The following GALNT13 variants were observed in gnomAD, a reference collection of about 807,000 sequenced individuals.
GALNT13 encodes the protein polypeptide N-acetylgalactosaminyltransferase 13.
A neutral mutation model predicts 64.2 loss-of-function variants in GALNT13; 28 were observed. That is an observed-to-expected ratio of 0.44 (90% CI 0.32 to 0.60). The LOEUF (loss-of-function observed/expected upper bound fraction) is 0.60. GALNT13 is among the 20% of genes least tolerant of loss of function. The probability of loss-of-function intolerance (pLI) is 0.05; values close to 1 mark genes in which losing one functional copy is unlikely to be tolerated. For missense variants in GALNT13, 577 were observed against 669.8 expected, an observed-to-expected ratio of 0.86 and a Z score of 1.53; for synonymous variants, 214 against 224.6, an observed-to-expected ratio of 0.95 and a Z score of 0.42.
the GALNT13 span, among the ~76,000 whole-genome samples, chr2:153,219,816 A>C: frequency 3.3e-5 from 5 of 152,342 alleles, no homozygotes; most frequent in African/African-American, 1.2e-4. Context: ...TTTCTGCTTC[A>C]GAGTGCTCAA....
chr2:153,280,447 G>C, the GALNT13 span, among the ~76,000 whole-genome samples: 1 of 152,000 alleles, frequency 6.6e-6, no homozygotes, highest in Admixed American at 6.5e-5. Context: ...GTTACTCTAA[G>C]GGTACCATTA....
At chr2:154,345,275 C>T (rs532171135) in intron 9 of GALNT13, among the ~76,000 whole-genome samples, 1 of 151,936 alleles carries the variant, frequency 6.6e-6, no homozygotes, top group South Asian at 2.1e-4. Flanking sequence ...AACAAAAGAC[C>T]GATGGTCCCT....
chr2:154,034,021 G>A lies in GALNT13; in HGVS notation c.142+89382G>A, dbSNP rs975718965. Among the ~76,000 whole-genome samples, 11 of 152,216 alleles carry A rather than the reference G, an allele frequency of 7.2e-5. 1 individual carries two copies. In the East Asian group the frequency reaches 1.2e-3, roughly 16 times the overall value. On this transcript the variant is annotated intron_variant, in intron 3 of 12. Transcript: ENST00000392825. ...GTGACTGGAGCCCTCAGACATTGCT[G>A]GAGAGAATGCAAATGGCTGTCATGA...
the GALNT13 span, among the ~76,000 whole-genome samples, chr2:153,237,941 T>C: frequency 6.6e-6 from 1 of 152,132 alleles, no homozygotes; most frequent in African/African-American, 2.4e-5. Flanking sequence ...CTAATTTACA[T>C]GCCCACCACC....
the GALNT13 span, among the ~76,000 whole-genome samples, chr2:153,462,120 A>G: frequency 1.3e-5 from 2 of 151,670 alleles, no homozygotes; most frequent in South Asian, 4.2e-4. Context: ...TTTTTTTCCT[A>G]GAAGCTTGTA....
At chr2:154,220,825 G>T (rs1688287078) in intron 4 of GALNT13, among the ~76,000 whole-genome samples, 1 of 151,992 alleles carries the variant, frequency 6.6e-6, no homozygotes, top group African/African-American at 2.4e-5. Flanking sequence ...ATTAATGAAA[G>T]ATTGCAGAAG....
the GALNT13 span, among the ~76,000 whole-genome samples, chr2:153,574,020 A>G: frequency 2.6e-5 from 4 of 151,950 alleles, no homozygotes; most frequent in Admixed American, 2.0e-4. Context: ...TTCTTGCAGG[A>G]TAGGCCTGGT....
chr2:154,130,452 A>G (rs1230489359), intron 3 of GALNT13, among the ~76,000 whole-genome samples: 1 of 152,178 alleles, frequency 6.6e-6, no homozygotes, highest in African/African-American at 2.4e-5. Flanking sequence ...TATAAATTAA[A>G]ATACTTTAGA....
the GALNT13 span, among the ~76,000 whole-genome samples, chr2:153,723,260 A>G: frequency 1.3e-5 from 2 of 148,990 alleles, no homozygotes; most frequent in African/African-American, 5.1e-5. Flanking sequence ...ACAACCCTTC[A>G]TGCTAAAAAC....
chr2:153,573,481 T>C, the GALNT13 span, among the ~76,000 whole-genome samples: 1 of 152,028 alleles, frequency 6.6e-6, no homozygotes, highest in East Asian at 1.9e-4. Flanking sequence ...CTTTCTGCTG[T>C]TTTGTTACTC....
the GALNT13 span, among the ~76,000 whole-genome samples, chr2:153,289,802 A>G: frequency 1.3e-5 from 2 of 152,188 alleles, no homozygotes; most frequent in African/African-American, 4.8e-5. Flanking sequence ...CCAACTTAGC[A>G]CCATGACATG....
the GALNT13 span, among the ~76,000 whole-genome samples, chr2:153,509,825 T>C: frequency 6.6e-6 from 1 of 152,196 alleles, no homozygotes; most frequent in South Asian, 2.1e-4. Flanking sequence ...CCTCAGGGGA[T>C]TATAAAGTTT....
At chr2:153,730,803 T>A in the GALNT13 span, among the ~76,000 whole-genome samples, 6 of 151,940 alleles carry the variant, frequency 3.9e-5, no homozygotes, top group Admixed American at 3.9e-4. Flanking sequence ...TCACCATCAC[T>A]AATCATCGAA....
At chr2:153,203,028 G>A in the GALNT13 span, among the ~76,000 whole-genome samples, 1 of 152,106 alleles carries the variant, frequency 6.6e-6, no homozygotes, top group Non-Finnish European at 1.5e-5. Context: ...GGCTCAATGT[G>A]CCTTTCGGTG....
the GALNT13 span, among the ~76,000 whole-genome samples, chr2:153,854,274 A>G: frequency 2.6e-5 from 4 of 151,740 alleles, no homozygotes; most frequent in South Asian, 2.1e-4. Flanking sequence ...TATAAAAAAT[A>G]TAATTTATAT....
chr2:153,862,828 T>C, the GALNT13 span, among the ~76,000 whole-genome samples: 1 of 152,070 alleles, frequency 6.6e-6, no homozygotes, highest in African/African-American at 2.4e-5. Flanking sequence ...TTCTAATATG[T>C]TATATGCTTA....
rs187009793 is a variant in GALNT13 at position 154,404,460 on chromosome 2, T to C, written c.1297-4524T>C. ...TCTCAAATATGAGCTGACATTGTCA[T>C]GACCCAGATGATACTACAATTTTTG... On this transcript the variant is annotated intron_variant, in intron 10 of 12. Coordinates refer to ENST00000392825, the MANE Select transcript of GALNT13 (RefSeq NM_052917.4). 2.2e-3 allele frequency among the ~76,000 whole-genome samples: 339 copies of C among 152,304 alleles called. 2 individuals carry two copies. Among genetic ancestry groups the C allele is most frequent in the African/African-American group, 7.7e-3 (321 of 41,580 alleles).
chr2:153,401,484 T>C, the GALNT13 span, among the ~76,000 whole-genome samples: 1 of 149,066 alleles, frequency 6.7e-6, no homozygotes, highest in African/African-American at 2.5e-5. Context: ...GTATCCTTGT[T>C]GACTTTCTGT....
the GALNT13 span, among the ~76,000 whole-genome samples, chr2:153,321,641 TAAGA>T: frequency 1.1e-4 from 17 of 152,234 alleles, no homozygotes; most frequent in African/African-American, 3.6e-4. Context: ...CCAAAAAGGT[TAAGA>T]AAGAAAGAGA....
Sources: gnomAD v4.1 joint callset for allele counts (sites outside exome capture counted in the v4.1 genomes callset) on GRCh38, gnomAD v4.1.1 for gene constraint, MANE v1.5 for transcripts, NCBI Gene and HGNC (gene_info 2026-07-23, HGNC 2026-07-21) for gene names.